The following SPINK5 variants were observed in gnomAD, a reference collection of about 807,000 sequenced individuals.
SPINK5 encodes serine protease inhibitor Kazal-type 5.
A neutral mutation model predicts 151.8 loss-of-function variants in SPINK5; 125 were observed. That is an observed-to-expected ratio of 0.82 (90% CI 0.71 to 0.96). The LOEUF (loss-of-function observed/expected upper bound fraction) is 0.96. Among genes scored for constraint, SPINK5 ranks in the 40% least tolerant of loss-of-function variants. SPINK5 has a pLI of 0.00. For synonymous variants in SPINK5, 374 were observed against 395.3 expected (o/e 0.95, Z 0.64); for missense variants, 1,194 against 1,291.9 (o/e 0.92, Z 1.16).
At chr5:148,091,352 T>A (rs1165877522) in intron 8 of SPINK5, 124 bp downstream of exon 8, 2 of 795,570 alleles carry the variant, frequency 2.5e-6, no homozygotes, top group South Asian at 1.7e-5. Context: ...TTTTTCTTAA[T>A]ATCAAAATTC....
chr5:148,072,114 T>C (rs1170699185), intron 3 of SPINK5, 34 bp from the exon 4 acceptor site: 3 of 1,596,206 alleles, frequency 1.9e-6, no homozygotes, highest in Non-Finnish European at 2.6e-6. Flanking sequence ...GAGCAAACAA[T>C]GTTTAAACTA....
intron 18 of SPINK5, among the ~76,000 whole-genome samples, chr5:148,109,621 G>T (rs929330674): frequency 2.0e-5 from 3 of 151,892 alleles, no homozygotes; most frequent in African/African-American, 7.3e-5. Flanking sequence ...GGCCCATGAT[G>T]CACTTTAGAT....
At position 148,127,218 on chromosome 5, in the gene SPINK5, T is replaced by G. The variant is rs560843215; in HGVS notation, c.2964+139T>G. ...AGCCTGAAGTCCTTTGAGGACTATA[T>G]GCAGTTTATGCTTGGTGAGAGTTCT... On this transcript the variant is annotated intron_variant, in intron 30 of 32. Transcript: ENST00000256084. 123 of 669,990 alleles carry G rather than the reference T, an allele frequency of 1.8e-4. No individual in the cohort carries two copies. In the African/African-American group the frequency reaches 2.0e-3, roughly 11 times the overall value. 41.5% of individuals were successfully genotyped at this position (669,990 alleles called of 1,614,324 possible). A position where few individuals can be genotyped will look rare whatever the true frequency, so the allele number is the denominator to read the frequency against.
chr5:148,122,385 G>C (rs1754293518), intron 26 of SPINK5, among the ~76,000 whole-genome samples: 1 of 152,148 alleles, frequency 6.6e-6, no homozygotes, highest in Non-Finnish European at 1.5e-5. Context: ...GTAAGGCCTG[G>C]AATTGTTTGT....
chr5:148,131,471 T>C, intron 31 of SPINK5, 82 bp downstream of exon 31: 2 of 1,584,314 alleles, frequency 1.3e-6, no homozygotes, highest in Non-Finnish European at 1.7e-6. Context: ...TGCACTGATA[T>C]AAATTCGAAA....
At position 148,064,114 on chromosome 5, in the gene SPINK5, T is replaced by C. The variant is rs1157021221; in HGVS notation, c.55+15T>C. 6.2e-7 allele frequency: 1 copy of C among 1,613,970 alleles called. No homozygotes were observed. Among genetic ancestry groups the C allele is most frequent in the East Asian group, 2.2e-5 (1 of 44,886 alleles). On this transcript the variant is annotated intron_variant, in intron 1 of 32. Transcript: ENST00000256084. The stretch of plus-strand genomic sequence containing the variant: ...CCTCATACAAGGTGAGCAATTTGTG[T>C]GTAATCTAAGCCTCTTGCCACACAT...
rs1753223698 is a variant in SPINK5 at position 148,088,599 on chromosome 5, A to G, written c.468A>G (p.Pro156=). 6.2e-7 allele frequency: 1 copy of G among 1,611,678 alleles called. No homozygotes were observed. Among genetic ancestry groups the G allele is most frequent in the Non-Finnish European group, 8.5e-7 (1 of 1,178,476 alleles). Residue 156 remains proline, a synonymous_variant, in exon 6 of 33, where the codon CCA becomes CCG. Transcript: ENST00000256084. ...KSEGECKSSN[P]EQDVCSAFRP... is the part of the protein sequence containing the mutation. ...AAGGGGAATGTAAGAGCAGTAATCC[A>G]GAGCAGGTGAGGTCAATTGTCAGCC...
intron 20 of SPINK5, 34 bp from the exon 21 acceptor site, chr5:148,114,328 A>G (rs1754027153): frequency 6.2e-7 from 1 of 1,604,984 alleles, no homozygotes; most frequent in African/African-American, 1.3e-5. Flanking sequence ...TTCCCAGAAG[A>G]TACTCAAGCT....
chr5:148,072,754 A>C (rs558783780), intron 4 of SPINK5, among the ~76,000 whole-genome samples: 1 of 151,470 alleles, frequency 6.6e-6, no homozygotes, highest in Admixed American at 6.6e-5. Flanking sequence ...TTTTTACTGT[A>C]TATGTTCCAG....
chr5:148,094,251 T>C, intron 8 of SPINK5, 103 bp from the exon 9 acceptor site: 1 of 1,304,202 alleles, frequency 7.7e-7, no homozygotes, highest in Non-Finnish European at 1.1e-6. Context: ...GCTATGATCA[T>C]TCCCCTGCAA....
rs1349671712 is a variant in SPINK5 at position 148,131,311 on chromosome 5, G to T, written c.3017G>T (p.Cys1006Phe). 6.2e-7 allele frequency: 1 copy of T among 1,613,868 alleles called. No individual in the cohort carries two copies. ...GTATTGCCCAGGATAGGTTATCTTT[G>T]TCCAAAGGATTTAAAGCCTGTCTGT... is the stretch of plus-strand genomic sequence containing the variant. ...YRVLPRIGYLCPKDLKPVCGD... is the reference protein window; with the variant it reads ...YRVLPRIGYLFPKDLKPVCGD... The change falls in exon 31 of 33, where the codon TGT (cysteine) becomes TTT (phenylalanine). Residue 1006 changes from cysteine (C) to phenylalanine (F), a missense_variant. Coordinates refer to ENST00000256084, the MANE Select transcript of SPINK5 (RefSeq NM_006846.4).
chr5:148,127,192 C>A, intron 30 of SPINK5, 113 bp downstream of exon 30: 1 of 863,500 alleles, frequency 1.2e-6, no homozygotes, highest in Non-Finnish European at 1.9e-6. Flanking sequence ...TGATTCAGTG[C>A]AGCCTGAAGT....
Position 148,064,158 on chromosome 5 carries a change from G to C in SPINK5, c.55+59G>C, listed in dbSNP as rs368647810. 3.0e-4 allele frequency: 482 copies of C among 1,600,478 alleles called. 3 individuals carry two copies. The African/African-American group carries it at 6.0e-3, about 20-fold the overall frequency. Reference sequence around the variant, plus strand: ...CACACATCTCAAAGCCCTGGGGAAGGGACTTTTCTCCCCCTACTCCTGCCA... The same window carrying C: ...CACACATCTCAAAGCCCTGGGGAAGCGACTTTTCTCCCCCTACTCCTGCCA... On this transcript the variant is annotated intron_variant, in intron 1 of 32. Transcript: ENST00000256084.
chr5:148,109,761 A>G (rs1753873630), intron 18 of SPINK5, among the ~76,000 whole-genome samples: 1 of 151,884 alleles, frequency 6.6e-6, no homozygotes, highest in African/African-American at 2.4e-5. Flanking sequence ...TCTACAATCT[A>G]CTCTCAACTC....
At chr5:148,072,067 A>G in intron 3 of SPINK5, 81 bp from the exon 4 acceptor site, 1 of 1,396,572 alleles carries the variant, frequency 7.2e-7, no homozygotes. Flanking sequence ...AGCAGTTAAA[A>G]TTAAGTTTAC....
chr5:148,125,871 C>T lies in SPINK5; in HGVS notation c.2867+21C>T, dbSNP rs150467819. Reference sequence around the variant, plus strand: ...GTCTTGTGAGTAAGAGGATTCTGCTCCCCCTGTAGCTAGCAGGGGAACTGC... The same window carrying T: ...GTCTTGTGAGTAAGAGGATTCTGCTTCCCCTGTAGCTAGCAGGGGAACTGC... On this transcript the variant is annotated intron_variant, in intron 29 of 32. Transcript: ENST00000256084. 159 of 1,614,080 alleles carry T rather than the reference C, an allele frequency of 9.9e-5. No homozygotes were observed. In the African/African-American group the frequency reaches 1.7e-3, roughly 18 times the overall value.
intron 9 of SPINK5, among the ~76,000 whole-genome samples, 182 bp downstream of exon 9, chr5:148,094,663 C>T (rs1408799519): frequency 1.3e-5 from 2 of 151,974 alleles, no homozygotes; most frequent in Non-Finnish European, 2.9e-5. Flanking sequence ...TTGTCTATTT[C>T]TGAAGAGAAA....
At chr5:148,079,654 C>T (rs965701093) in intron 4 of SPINK5, among the ~76,000 whole-genome samples, 5 of 151,178 alleles carry the variant, frequency 3.3e-5, no homozygotes, top group African/African-American at 1.2e-4. Flanking sequence ...GGCAAAACCA[C>T]ATGATTATCT....
intron 8 of SPINK5, among the ~76,000 whole-genome samples, chr5:148,094,095 G>A (rs557459460): frequency 1.4e-4 from 21 of 151,988 alleles, no homozygotes; most frequent in African/African-American, 5.1e-4. Flanking sequence ...AGGAATTCAA[G>A]ACCAGCCCGG....
Sources: allele counts gnomAD v4.1 joint callset (sites outside exome capture counted in the v4.1 genomes callset), GRCh38; gene constraint gnomAD v4.1.1; transcripts MANE v1.5; gene names NCBI Gene and HGNC (gene_info 2026-07-23, HGNC 2026-07-21).